The following NUP93 variants were observed in gnomAD, a reference collection of about 807,000 sequenced individuals.
NUP93 encodes the protein nuclear pore complex protein Nup93.
Under a neutral mutation model 107.8 loss-of-function variants are expected in NUP93, and 55 were observed. The ratio of observed to expected loss-of-function variants is 0.51; its 90% CI spans 0.41 to 0.64. The LOEUF (loss-of-function observed/expected upper bound fraction) is 0.64. NUP93 is among the 30% of genes least tolerant of loss of function. The pLI is 0.00. For missense variants in NUP93, 937 were observed against 1,044.7 expected (o/e 0.90, Z 1.42); for synonymous variants, 390 against 397.5 (o/e 0.98, Z 0.22).
In NUP93 at chr16:56,831,756, T is replaced by C. The variant is rs1394991452; in HGVS notation, c.1086-86T>C. ...ATGAAGGAAGGCTTCCCTGCTTTTA[T>C]GTGTTTGGGACCTGGGACGCTTTCA... On this transcript the variant is annotated intron_variant, in intron 10 of 21. Coordinates refer to ENST00000308159, the MANE Select transcript of NUP93 (RefSeq NM_014669.5). The C allele has an allele frequency of 9.5e-6, 13 of 1,363,136 alleles. No individual in the cohort carries two copies. The East Asian group carries it at 3.0e-4, about 32-fold the overall frequency. The allele number at this position is 1,363,136 out of a possible 1,614,324, so 84.4% of individuals were successfully genotyped here. A position where few individuals can be genotyped will look rare whatever the true frequency, so the allele number is the denominator to read the frequency against.
chr16:56,807,030 T>G (rs1055692763), intron 5 of NUP93, among the ~76,000 whole-genome samples: 5 of 152,190 alleles, frequency 3.3e-5, no homozygotes, highest in African/African-American at 1.2e-4. Context: ...GACTCTCATC[T>G]CACATGGAAT....
In NUP93 at chr16:56,829,070, C is replaced by T. The variant is rs748029112; in HGVS notation, c.888C>T (p.Phe296=). 22 of 1,613,162 alleles carry T rather than the reference C, an allele frequency of 1.4e-5. No homozygotes were observed. Among genetic ancestry groups the T allele is most frequent in the Non-Finnish European group, 1.6e-5 (19 of 1,179,738 alleles). The change falls in exon 9 of 22, where the codon TTC becomes TTT. Residue 296 remains phenylalanine (F), a synonymous_variant. Transcript: ENST00000308159. ...GGACTTACCAATTGGTTCGAAGTTTCCTGAACATTAAACTGCCAGCTCCCT... is the reference window on the plus strand; with the variant it reads ...GGACTTACCAATTGGTTCGAAGTTTTCTGAACATTAAACTGCCAGCTCCCT... ...VPGTYQLVRS[F]LNIKLPAPLP... is the part of the protein sequence containing the mutation.
intron 3 of NUP93, among the ~76,000 whole-genome samples, chr16:56,773,139 A>G: frequency 6.6e-6 from 1 of 152,224 alleles, no homozygotes; most frequent in East Asian, 1.9e-4. Context: ...GAGAGTTGCA[A>G]CTTATTTATT....
chr16:56,807,167 T>C (rs1222204804), intron 5 of NUP93, among the ~76,000 whole-genome samples: 1 of 152,160 alleles, frequency 6.6e-6, no homozygotes, highest in Non-Finnish European at 1.5e-5. Flanking sequence ...TTCTTACAGG[T>C]TCCTTCAGCA....
intron 5 of NUP93, among the ~76,000 whole-genome samples, chr16:56,808,115 A>AG (rs1160570521): frequency 1.6e-5 from 2 of 123,856 alleles, no homozygotes; most frequent in African/African-American, 3.0e-5. Flanking sequence ...ATAAATATAT[A>AG]TTATATAACT....
At position 56,831,816 on chromosome 16, in the gene NUP93, A is replaced by G. The variant is rs377262905; in HGVS notation, c.1086-26A>G. The G allele has an allele frequency of 1.2e-4, 201 of 1,610,796 alleles. 1 individual carries two copies. In the East Asian group the frequency reaches 2.3e-3, roughly 18 times the overall value. ...GAGGATTTTTATTGAGTATGTATCT[A>G]TCTGTCTGTTCCCTTATGTCTGTAG... On this transcript the variant is annotated intron_variant, in intron 10 of 21. Coordinates refer to ENST00000308159, the MANE Select transcript of NUP93 (RefSeq NM_014669.5).
intron 11 of NUP93, 69 bp downstream of exon 11, chr16:56,832,076 T>A: frequency 6.4e-7 from 1 of 1,562,994 alleles, no homozygotes; most frequent in Non-Finnish European, 8.8e-7. Context: ...CGCAAAGATT[T>A]TACCTGCTTA....
intron 1 of NUP93, among the ~76,000 whole-genome samples, chr16:56,739,653 G>T (rs1274340330): frequency 9.6e-5 from 12 of 124,930 alleles, no homozygotes; most frequent in South Asian, 2.8e-4. Context: ...CCCGGACGGG[G>T]CGGCTGGCCG....
At chr16:56,756,321 A>G (rs1343319093) in intron 2 of NUP93, among the ~76,000 whole-genome samples, 9 of 72,090 alleles carry the variant, frequency 1.2e-4, no homozygotes, top group African/African-American at 4.8e-4. Context: ...ACAGGCTCCT[A>G]TGTGTGTTGT....
intron 3 of NUP93, among the ~76,000 whole-genome samples, chr16:56,797,480 C>CGGGGAAGTGCACTCTGTATATCTGT (rs1962926156): frequency 1.3e-5 from 2 of 152,220 alleles, no homozygotes; most frequent in Admixed American, 1.3e-4. Flanking sequence ...AAGGTGTTGG[C>CGGGGAAGTGCACTCTGTATATCTGT]GGGGAAGTGC....
chr16:56,818,780 T>A (rs1347445430), intron 6 of NUP93, 42 bp downstream of exon 6: 1 of 1,545,108 alleles, frequency 6.5e-7, no homozygotes, highest in Admixed American at 1.7e-5. Context: ...GAAAATCCTT[T>A]GTGAACCTCT....
chr16:56,769,336 C>A (rs1337048514), intron 3 of NUP93, among the ~76,000 whole-genome samples: 1 of 152,154 alleles, frequency 6.6e-6, no homozygotes, highest in Non-Finnish European at 1.5e-5. Context: ...CTCTTATTTA[C>A]ACAAGCTTAG....
chr16:56,850,127 C>T lies in NUP93; in HGVS notation c.*5518C>T, dbSNP rs1567418726. 1 of 152,082 alleles carries T rather than the reference C, an allele frequency of 6.6e-6. No homozygotes were observed. The highest frequency in any genetic ancestry group is 1.5e-5 in the Non-Finnish European group (1 of 68,042). The allele number at this position is 152,082 out of a possible 1,614,324, so 9.4% of individuals were successfully genotyped here. A position where few individuals can be genotyped will look rare whatever the true frequency, so the allele number is the denominator to read the frequency against. ...TTTTTCTTTTTTGCTTTTCTCGAGT[C>T]ACTCTGTGTGGTGCTTGTGGGAGAA... On this transcript the variant is annotated 3_prime_UTR_variant, in exon 22 of 22. Transcript: ENST00000308159.
rs1268776027 is a variant in NUP93, at chr16:56,849,159, C to A, written c.*4550C>A. 1 of 152,140 alleles carries A rather than the reference C, an allele frequency of 6.6e-6. No homozygotes were observed. The highest frequency in any genetic ancestry group is 1.5e-5 in the Non-Finnish European group (1 of 68,048). 9.4% of individuals were successfully genotyped at this position (152,140 alleles called of 1,614,324 possible). On this transcript the variant is annotated 3_prime_UTR_variant, in exon 22 of 22. Transcript: ENST00000308159. ...CAGACTCCGTGATTCACCGTGGGGG[C>A]CCTTAATAGGCATTCAGTCTGAAAG...
At chr16:56,831,612 G>A in intron 10 of NUP93, 1 of 463,092 alleles carries the variant, frequency 2.2e-6, no homozygotes, top group South Asian at 2.5e-5. Flanking sequence ...TGCCCATGAA[G>A]GCCTCAGCAA....
At chr16:56,800,146 G>T (rs1962989430) in intron 4 of NUP93, among the ~76,000 whole-genome samples, 1 of 152,184 alleles carries the variant, frequency 6.6e-6, no homozygotes, top group Admixed American at 6.5e-5. Context: ...TCGTGCCACT[G>T]CACTCCAGCC....
intron 2 of NUP93, among the ~76,000 whole-genome samples, chr16:56,758,049 CGACAGAG>C (rs1567378109): frequency 1.3e-5 from 2 of 149,804 alleles, no homozygotes; most frequent in East Asian, 3.9e-4. Context: ...CCAGTCTGGA[CGACAGAG>C]TGACACTCTG....
chr16:56,746,839 C>T (rs896363822), intron 1 of NUP93, among the ~76,000 whole-genome samples: 2 of 152,056 alleles, frequency 1.3e-5, no homozygotes, highest in Non-Finnish European at 2.9e-5. Context: ...GAATCTGAGG[C>T]GGAAGTTGCC....
intron 3 of NUP93, among the ~76,000 whole-genome samples, chr16:56,798,110 T>C (rs534841534): frequency 5.3e-5 from 8 of 152,302 alleles, no homozygotes; most frequent in Admixed American, 5.2e-4. Flanking sequence ...CAGAGAAATA[T>C]AGACTAAGGA....
Sources: allele counts gnomAD v4.1 joint callset (sites outside exome capture counted in the v4.1 genomes callset), GRCh38; gene constraint gnomAD v4.1.1; transcripts MANE v1.5; gene names NCBI Gene and HGNC (gene_info 2026-07-23, HGNC 2026-07-21).